The following DTNA variants were observed in gnomAD, a reference collection of about 807,000 sequenced individuals.
DTNA encodes the protein dystrophin-related protein 3.
A neutral mutation model predicts 100.7 loss-of-function variants in DTNA; 43 were observed. The ratio of observed to expected loss-of-function variants is 0.43; its 90% CI spans 0.33 to 0.55. DTNA has a LOEUF of 0.55. DTNA is among the 20% of genes least tolerant of loss of function. The pLI is 0.04. For missense variants in DTNA, 798 were observed against 953.9 expected, an observed-to-expected ratio of 0.84 and a Z score of 2.15; for synonymous variants, 349 against 347.9, an observed-to-expected ratio of 1.00 and a Z score of -0.04.
chr18:34,796,953 C>G (rs1045221272), intron 4 of DTNA, among the ~76,000 whole-genome samples: 3 of 152,138 alleles, frequency 2.0e-5, no homozygotes, highest in African/African-American at 7.2e-5. Flanking sequence ...AAAAAACATC[C>G]GGATCTCAAT....
intron 1 of DTNA, among the ~76,000 whole-genome samples, chr18:34,539,168 C>T (rs1440244860): frequency 1.3e-5 from 2 of 151,680 alleles, no homozygotes; most frequent in Non-Finnish European, 2.9e-5. Context: ...AGACAGCACA[C>T]TGATCTCTTA....
At chr18:34,586,178 C>A (rs1034277608) in intron 1 of DTNA, among the ~76,000 whole-genome samples, 4 of 152,174 alleles carry the variant, frequency 2.6e-5, no homozygotes, top group African/African-American at 9.7e-5. Flanking sequence ...TAGTAGTTTG[C>A]TTATTTGGAG....
At chr18:34,779,718 G>C (rs1471256102) in intron 3 of DTNA, among the ~76,000 whole-genome samples, 1 of 152,114 alleles carries the variant, frequency 6.6e-6, no homozygotes, top group Non-Finnish European at 1.5e-5. Context: ...AGTTAGATGT[G>C]TGTCAATCAG....
intron 1 of DTNA, among the ~76,000 whole-genome samples, chr18:34,585,696 G>A (rs927018317): frequency 6.6e-6 from 1 of 152,010 alleles, no homozygotes; most frequent in Admixed American, 6.6e-5. Flanking sequence ...CATAGTAGGA[G>A]GCCAAAAGGT....
At chr18:34,761,411 A>G (rs905424006) in intron 2 of DTNA, among the ~76,000 whole-genome samples, 1 of 152,214 alleles carries the variant, frequency 6.6e-6, no homozygotes, top group African/African-American at 2.4e-5. Context: ...CAAAAGTTAG[A>G]TAAGACTGGT....
At chr18:34,728,401 TA>T (rs1330805175) in intron 1 of DTNA, among the ~76,000 whole-genome samples, 1 of 152,014 alleles carries the variant, frequency 6.6e-6, no homozygotes, top group African/African-American at 2.4e-5. Context: ...TTAAAAAATT[TA>T]AAAAAATAAA....
intron 1 of DTNA, among the ~76,000 whole-genome samples, chr18:34,525,322 T>C (rs2042515440): frequency 6.6e-6 from 1 of 152,116 alleles, no homozygotes; most frequent in African/African-American, 2.4e-5. Context: ...GAGGTGCCAT[T>C]CCTCTGCTAC....
intron 1 of DTNA, among the ~76,000 whole-genome samples, chr18:34,510,267 T>C (rs2040923527): frequency 6.6e-6 from 1 of 152,042 alleles, no homozygotes; most frequent in African/African-American, 2.4e-5. Context: ...TTATCTGTTC[T>C]CTCCATCTAT....
chr18:34,594,695 A>C (rs564086851), intron 1 of DTNA, among the ~76,000 whole-genome samples: 1 of 152,318 alleles, frequency 6.6e-6, no homozygotes, highest in South Asian at 2.1e-4. Context: ...TGGGCATTAT[A>C]TTGATAAAGT....
intron 1 of DTNA, among the ~76,000 whole-genome samples, chr18:34,609,118 C>T (rs1009307278): frequency 2.6e-5 from 4 of 152,272 alleles, no homozygotes; most frequent in Admixed American, 2.6e-4. Context: ...GCTAAGCCCA[C>T]ACAATTCTCA....
intron 1 of DTNA, among the ~76,000 whole-genome samples, chr18:34,512,680 A>C (rs1201378792): frequency 1.3e-5 from 2 of 152,042 alleles, no homozygotes. Flanking sequence ...TGAAAGGTAT[A>C]TGTGAGAATT....
At chr18:34,748,530 G>A (rs2091936714) in intron 1 of DTNA, among the ~76,000 whole-genome samples, 1 of 152,098 alleles carries the variant, frequency 6.6e-6, no homozygotes, top group African/African-American at 2.4e-5. Flanking sequence ...CATGTGGCTT[G>A]CCAGTTTTTC....
At chr18:34,869,757 C>T (rs949193716) in intron 17 of DTNA, among the ~76,000 whole-genome samples, 1 of 152,212 alleles carries the variant, frequency 6.6e-6, no homozygotes, top group Non-Finnish European at 1.5e-5. Context: ...CACGGTGGCT[C>T]ACGCCTGTAA....
chr18:34,771,134 A>G (rs1452357198), intron 3 of DTNA, among the ~76,000 whole-genome samples: 1 of 152,158 alleles, frequency 6.6e-6, no homozygotes, highest in Non-Finnish European at 1.5e-5. Context: ...CTTGTTATGT[A>G]TGTACTGATA....
At chr18:34,833,579 A>T (rs1248034734) in intron 11 of DTNA, among the ~76,000 whole-genome samples, 1 of 152,192 alleles carries the variant, frequency 6.6e-6, no homozygotes, top group African/African-American at 2.4e-5. Flanking sequence ...CAGCAGATAT[A>T]TGAACTTCAA....
At chr18:34,842,217 TC>T (rs1160931934) in intron 13 of DTNA, among the ~76,000 whole-genome samples, 2 of 152,188 alleles carry the variant, frequency 1.3e-5, no homozygotes, top group African/African-American at 4.8e-5. Context: ...TTGATTAGAC[TC>T]CTGATGTCAT....
At position 34,806,182 on chromosome 18, in the gene DTNA, T is replaced by C. The variant is rs778058556; in HGVS notation, c.363-37T>C. 27 of 1,576,170 alleles carry C rather than the reference T, an allele frequency of 1.7e-5. No individual in the cohort carries two copies. The Admixed American group carries it at 4.5e-4, about 26-fold the overall frequency. ...CAAATGACATCATGGTTTTGTTTTGTTTTTGTTTTTGTTTTTTTTCTATTA... is the reference window on the plus strand; with the variant it reads ...CAAATGACATCATGGTTTTGTTTTGCTTTTGTTTTTGTTTTTTTTCTATTA... On this transcript the variant is annotated intron_variant, in intron 4 of 22. Coordinates refer to ENST00000444659, the MANE Select transcript of DTNA (RefSeq NM_001386795.1).
chr18:34,664,365 G>C (rs2075615176), intron 1 of DTNA, among the ~76,000 whole-genome samples: 2 of 151,936 alleles, frequency 1.3e-5, no homozygotes, highest in South Asian at 4.2e-4. Context: ...GTTTATCATT[G>C]TCACATAAAT....
At chr18:34,876,591 G>A (rs2096821096) in intron 18 of DTNA, among the ~76,000 whole-genome samples, 1 of 152,022 alleles carries the variant, frequency 6.6e-6, no homozygotes, top group Non-Finnish European at 1.5e-5. Context: ...TTTTTGCCTA[G>A]AAGATTAAAA....
Sources: allele counts gnomAD v4.1 joint callset (sites outside exome capture counted in the v4.1 genomes callset), GRCh38; gene constraint gnomAD v4.1.1; transcripts MANE v1.5; gene names NCBI Gene and HGNC (gene_info 2026-07-23, HGNC 2026-07-21).